Variants in ELF1 observed in about 807,000 individuals in gnomAD.
ELF1 encodes the protein E74 like ETS transcription factor 1, also known as ETS-related transcription factor Elf-1.
In ELF1, 24 loss-of-function variants were observed where a neutral mutation model predicts 59.9. The ratio of observed to expected loss-of-function variants is 0.40; its 90% CI spans 0.29 to 0.56. The LOEUF (loss-of-function observed/expected upper bound fraction) is 0.56, where lower values mean the gene tolerates loss of function less well. ELF1 is among the 20% of genes least tolerant of loss of function. The probability of loss-of-function intolerance (pLI) is 0.44; values close to 1 mark genes in which losing one functional copy is unlikely to be tolerated. For missense variants in ELF1, 627 were observed against 742.2 expected (o/e 0.84, Z 1.80); for synonymous variants, 248 against 266.2 (o/e 0.93, Z 0.67).
chr13:40,956,571 CAAAAAAAAAAA>C (rs34245662), intron 3 of ELF1, among the ~76,000 whole-genome samples: 11 of 76,148 alleles, frequency 1.4e-4, no homozygotes, highest in East Asian at 6.2e-4. Context: ...CAAGAATGAT[CAAAAAAAAAAA>C]AAAAAAAAAA....
chr13:40,951,172 G>C (rs1409435574), intron 4 of ELF1, among the ~76,000 whole-genome samples, 157 bp downstream of exon 4: 1 of 152,084 alleles, frequency 6.6e-6, no homozygotes, highest in Non-Finnish European at 1.5e-5. Context: ...TTAACTCTAC[G>C]TTTTTGCAAA....
chr13:40,991,493 T>G (rs949848250), intron 1 of ELF1, among the ~76,000 whole-genome samples: 1 of 152,194 alleles, frequency 6.6e-6, no homozygotes, highest in Non-Finnish European at 1.5e-5. Context: ...CAAAGACAGA[T>G]CTGGAACTCC....
chr13:40,981,919 TTC>T, intron 2 of ELF1, 62 bp downstream of exon 2: 1 of 1,528,658 alleles, frequency 6.5e-7, no homozygotes, highest in African/African-American at 1.4e-5. Flanking sequence ...GGAAATAATT[TTC>T]TGATATGAAT....
upstream of ELF1, among the ~76,000 whole-genome samples, chr13:41,019,918 C>T (rs1013220780): frequency 6.6e-6 from 1 of 152,084 alleles, no homozygotes; most frequent in Non-Finnish European, 1.5e-5. Flanking sequence ...TTTTAAAAAC[C>T]CACACTCCAA....
At chr13:40,976,942 A>C (rs902527529) in intron 2 of ELF1, among the ~76,000 whole-genome samples, 4 of 152,108 alleles carry the variant, frequency 2.6e-5, no homozygotes, top group Admixed American at 2.0e-4. Flanking sequence ...TTGTGATGAG[A>C]TTCTATAAAA....
At chr13:41,053,134 A>G (rs1394215468) in intron 1 of ELF1, among the ~76,000 whole-genome samples, 1 of 152,160 alleles carries the variant, frequency 6.6e-6, no homozygotes, top group African/African-American at 2.4e-5. Context: ...CAGGAGGATC[A>G]CTTGAGGTCA....
chr13:40,955,449 C>T (rs1439581109), intron 3 of ELF1, among the ~76,000 whole-genome samples: 4 of 133,770 alleles, frequency 3.0e-5, no homozygotes, highest in East Asian at 2.3e-4. Flanking sequence ...CCCGGCCAGC[C>T]GCCCCGTCCG....
Position 40,993,636 on chromosome 13 carries a change from A to G in ELF1, c.-228-11354T>C, listed in dbSNP as rs532244822. The stretch of plus-strand genomic sequence containing the variant: ...GCTGGGGCTATAGGTGTGTACTACC[A>G]CACCTGACTAATTTTTTATAATTTC... On this transcript the variant is annotated intron_variant, in intron 1 of 8. Transcript: ENST00000239882. Among the ~76,000 whole-genome samples, 108 of 152,032 alleles carry G rather than the reference A, an allele frequency of 7.1e-4. 1 individual carries two copies. Among genetic ancestry groups the G allele is most frequent in the Non-Finnish European group, 1.3e-3 (85 of 67,976 alleles).
intron 1 of ELF1, among the ~76,000 whole-genome samples, chr13:41,034,908 T>G (rs1014576718): frequency 6.6e-6 from 1 of 152,100 alleles, no homozygotes; most frequent in African/African-American, 2.4e-5. Flanking sequence ...CTCGGCATTC[T>G]ACGCCCCCAG....
At chr13:40,968,097 T>G (rs1872297133) in intron 2 of ELF1, among the ~76,000 whole-genome samples, 1 of 152,208 alleles carries the variant, frequency 6.6e-6, no homozygotes, top group Non-Finnish European at 1.5e-5. Flanking sequence ...GTGTGTTCAC[T>G]TTGTGAAAAT....
Position 41,052,208 on chromosome 13 carries a change from G to A in ELF1, c.-229+8630C>T, listed in dbSNP as rs567962516. Reference sequence around the variant, plus strand: ...GCCCACCTCAGCCTCCCCAAGTGCTGGGATTATAGGCGTGAGACACTGCGC... The same window carrying A: ...GCCCACCTCAGCCTCCCCAAGTGCTAGGATTATAGGCGTGAGACACTGCGC... On this transcript the variant is annotated intron_variant, in intron 1 of 1. Coordinates refer to the ELF1 transcript ENST00000405737. 1.2e-3 allele frequency among the ~76,000 whole-genome samples: 189 copies of A among 152,162 alleles called. 1 individual carries two copies. Among genetic ancestry groups the A allele is most frequent in the African/African-American group, 4.5e-3 (187 of 41,536 alleles).
chr13:41,016,952 ATATATATATAT>A (rs1875435983), intron 1 of ELF1, among the ~76,000 whole-genome samples: 1 of 67,752 alleles, frequency 1.5e-5, no homozygotes, highest in African/African-American at 5.0e-5. Flanking sequence ...AAAAAAATAT[ATATATATATAT>A]ATATATATAT....
intron 1 of ELF1, among the ~76,000 whole-genome samples, chr13:41,031,022 G>A (rs1379349231): frequency 6.7e-6 from 1 of 149,618 alleles, no homozygotes; most frequent in African/African-American, 2.5e-5. Context: ...AATGAGCCAG[G>A]CATGGTGGTG....
At chr13:40,955,502 T>G (rs1384667718) in intron 3 of ELF1, among the ~76,000 whole-genome samples, 1 of 58,964 alleles carries the variant, frequency 1.7e-5, no homozygotes, top group African/African-American at 7.4e-5. Context: ...TACTGGGAAG[T>G]GAGGAGTCCC....
At chr13:41,029,884 G>A (rs1215751955) in intron 1 of ELF1, among the ~76,000 whole-genome samples, 1 of 152,110 alleles carries the variant, frequency 6.6e-6, no homozygotes, top group Admixed American at 6.6e-5. Context: ...AATGGTTTGA[G>A]GTAGAGGAAT....
intron 2 of ELF1, among the ~76,000 whole-genome samples, chr13:40,974,544 T>C (rs1169021035): frequency 6.6e-6 from 1 of 152,080 alleles, no homozygotes; most frequent in African/African-American, 2.4e-5. Context: ...AATAGGATAA[T>C]CCCTATAAAG....
chr13:41,036,003 C>T (rs1876365710), intron 1 of ELF1, among the ~76,000 whole-genome samples: 1 of 151,182 alleles, frequency 6.6e-6, no homozygotes. Flanking sequence ...TTTCCGGGTT[C>T]ACGCCATTCT....
intron 1 of ELF1, chr13:40,993,340 A>G (rs1042814255): frequency 2.8e-5 from 38 of 1,347,948 alleles, no homozygotes; most frequent in East Asian, 1.8e-4. Flanking sequence ...CATTTCAGCT[A>G]CAAGACCCAA....
chr13:40,934,968 T>C (rs946284012), intron 8 of ELF1, among the ~76,000 whole-genome samples: 12 of 152,210 alleles, frequency 7.9e-5, no homozygotes, highest in African/African-American at 2.9e-4. Flanking sequence ...CTTGGACTGG[T>C]AGAGAAAATA....
Sources: gnomAD v4.1 joint callset for allele counts (sites outside exome capture counted in the v4.1 genomes callset) on GRCh38, gnomAD v4.1.1 for gene constraint, MANE v1.5 for transcripts, NCBI Gene and HGNC (gene_info 2026-07-23, HGNC 2026-07-21) for gene names.